The following TPRG1 variants were observed in gnomAD, a reference collection of about 807,000 sequenced individuals.
The protein encoded by TPRG1 is tumor protein p63-regulated gene 1 protein.
TPRG1 carries 29 observed loss-of-function variants against 29.3 expected under a neutral mutation model. The ratio of observed to expected loss-of-function variants is 0.99; its 90% confidence interval spans 0.74 to 1.35. The LOEUF is 1.35. Ranked by LOEUF, TPRG1 falls within the 40% of genes most tolerant of loss-of-function variation. TPRG1 has a pLI of 0.00. For synonymous variants in TPRG1, 130 were observed against 116.8 expected (o/e 1.11, Z -0.73); for missense variants, 327 against 335.0 (o/e 0.98, Z 0.19).
At chr3:189,073,118 A>C (rs1716907852) in intron 4 of TPRG1, among the ~76,000 whole-genome samples, 1 of 152,200 alleles carries the variant, frequency 6.6e-6, no homozygotes. Context: ...TCTGGGTACT[A>C]GATGTGTTCA....
rs184061935 is a variant in TPRG1 at position 189,283,719 on chromosome 3, A to G, written c.480-26667A>G. ...CTACATGAGGCAAGGGATTATCACC[A>G]TATCATTTTATTTAATCTTTACGAT... On this transcript the variant is annotated intron_variant, in intron 4 of 5. Transcript: ENST00000345063. Among the ~76,000 whole-genome samples, 7 of 152,308 alleles carry G rather than the reference A, an allele frequency of 4.6e-5. No homozygotes were observed. The East Asian group carries it at 1.4e-3, about 29-fold the overall frequency.
At chr3:189,222,451 A>G (rs1267854121) in intron 3 of TPRG1, among the ~76,000 whole-genome samples, 1 of 152,134 alleles carries the variant, frequency 6.6e-6, no homozygotes, top group Non-Finnish European at 1.5e-5. Context: ...ACTCAACCCC[A>G]TGGATTTTTG....
intron 4 of TPRG1, among the ~76,000 whole-genome samples, chr3:189,035,232 A>G (rs1228576749): frequency 6.6e-6 from 1 of 152,198 alleles, no homozygotes; most frequent in Non-Finnish European, 1.5e-5. Flanking sequence ...CTGGCTAGTC[A>G]TATGCGGAAG....
chr3:189,097,061 A>C (rs1277749311), upstream of TPRG1, among the ~76,000 whole-genome samples: 1 of 152,208 alleles, frequency 6.6e-6, no homozygotes, highest in Non-Finnish European at 1.5e-5. Flanking sequence ...TTCTCCATGC[A>C]TGGCTTTGTA....
intron 4 of TPRG1, among the ~76,000 whole-genome samples, chr3:189,071,408 T>TACACACACACAC (rs140146383): frequency 9.7e-4 from 147 of 151,386 alleles, no homozygotes; most frequent in African/African-American, 3.5e-3. Flanking sequence ...GTATGAGTTT[T>TACACACACACAC]ACACACACAC....
intron 3 of TPRG1, among the ~76,000 whole-genome samples, chr3:189,234,259 C>T (rs188404218): frequency 2.0e-5 from 3 of 152,246 alleles, no homozygotes; most frequent in Admixed American, 6.5e-5. Flanking sequence ...GAATAGACAG[C>T]ATTTAAGCTG....
At chr3:189,001,263 A>AAAC (rs756559234) in intron 2 of TPRG1, among the ~76,000 whole-genome samples, 37 of 152,294 alleles carry the variant, frequency 2.4e-4, no homozygotes, top group Non-Finnish European at 4.0e-4. Flanking sequence ...CACAACAATA[A>AAAC]AACAACAACA....
At chr3:189,223,899 C>G (rs1245507689) in intron 3 of TPRG1, among the ~76,000 whole-genome samples, 1 of 152,000 alleles carries the variant, frequency 6.6e-6, no homozygotes, top group African/African-American at 2.4e-5. Context: ...TTCATTCATT[C>G]ATACATTTAT....
intron 4 of TPRG1, among the ~76,000 whole-genome samples, chr3:189,305,357 G>A (rs1721463580): frequency 6.6e-6 from 1 of 152,218 alleles, no homozygotes; most frequent in Non-Finnish European, 1.5e-5. Context: ...AGTCTTTCCT[G>A]TCAAAAATAA....
intron 4 of TPRG1, among the ~76,000 whole-genome samples, chr3:189,270,587 T>A (rs1714954010): frequency 6.6e-6 from 1 of 152,216 alleles, no homozygotes; most frequent in East Asian, 1.9e-4. Flanking sequence ...GGCAGGGAGA[T>A]CCTTTCTTTC....
chr3:189,099,141 G>A (rs562934640), upstream of TPRG1, among the ~76,000 whole-genome samples: 1 of 152,168 alleles, frequency 6.6e-6, no homozygotes, highest in Non-Finnish European at 1.5e-5. Context: ...CAGGGCGGCC[G>A]ACACCACACT....
At chr3:189,197,375 C>A (rs1015592959) in intron 1 of TPRG1, among the ~76,000 whole-genome samples, 15 of 152,094 alleles carry the variant, frequency 9.9e-5, no homozygotes, top group African/African-American at 3.1e-4. Context: ...TCTATCCTGT[C>A]TTTCTATATT....
chr3:189,309,706 A>G (rs1248599467), intron 4 of TPRG1, among the ~76,000 whole-genome samples: 3 of 152,176 alleles, frequency 2.0e-5, no homozygotes, highest in Non-Finnish European at 4.4e-5. Context: ...AGGTTTACCA[A>G]ATGACCAGGC....
At chr3:189,033,998 G>C (rs1486580719) in intron 4 of TPRG1, among the ~76,000 whole-genome samples, 6 of 152,170 alleles carry the variant, frequency 3.9e-5, no homozygotes, top group Non-Finnish European at 1.5e-5. Context: ...GTCTGCTAGA[G>C]GAAAAGAAAT....
intron 1 of TPRG1, among the ~76,000 whole-genome samples, chr3:189,185,293 G>A (rs1412996751): frequency 4.0e-5 from 6 of 151,606 alleles, no homozygotes; most frequent in African/African-American, 9.7e-5. Flanking sequence ...GCACAATCAC[G>A]GCTCACTGCA....
intron 4 of TPRG1, among the ~76,000 whole-genome samples, chr3:189,259,150 G>A (rs934267393): frequency 6.6e-6 from 1 of 152,132 alleles, no homozygotes; most frequent in Non-Finnish European, 1.5e-5. Flanking sequence ...AGAATCTCCT[G>A]GTCTGTGGGT....
chr3:189,258,075 G>A (rs568534594), intron 4 of TPRG1, among the ~76,000 whole-genome samples: 2 of 152,324 alleles, frequency 1.3e-5, no homozygotes, highest in African/African-American at 4.8e-5. Flanking sequence ...TGGAGGAGAA[G>A]AGGCATTCTG....
chr3:189,313,771 T>C (rs899188353), intron 5 of TPRG1, among the ~76,000 whole-genome samples: 41 of 152,294 alleles, frequency 2.7e-4, no homozygotes, highest in African/African-American at 9.4e-4. Context: ...AAGGCAGTGC[T>C]TAACAGGGGA....
chr3:189,312,326 G>A (rs9811812), intron 5 of TPRG1, among the ~76,000 whole-genome samples: 1 of 151,252 alleles, frequency 6.6e-6, no homozygotes, highest in East Asian at 1.9e-4. Context: ...CTCAGCCTCC[G>A]GAGTAGCTGG....
Sources: gnomAD v4.1 joint callset for allele counts (sites outside exome capture counted in the v4.1 genomes callset) on GRCh38, gnomAD v4.1.1 for gene constraint, MANE v1.5 for transcripts, NCBI Gene and HGNC (gene_info 2026-07-23, HGNC 2026-07-21) for gene names.